VPS13B: variants seen among roughly 807,000 people sequenced by gnomAD.
VPS13B encodes the protein vacuolar protein sorting 13 homolog B, also known as intermembrane lipid transfer protein VPS13B.
VPS13B carries 285 observed loss-of-function variants against 426.4 expected under a neutral mutation model. The observed-to-expected ratio is 0.67, with a 90% CI of 0.61 to 0.74. The LOEUF is 0.74. Among genes scored for constraint, VPS13B ranks in the 30% least tolerant of loss-of-function variants. The pLI, the probability that VPS13B is intolerant of heterozygous loss-of-function variation, is 0.00. For missense variants in VPS13B, 4,537 were observed against 4,782.6 expected, an observed-to-expected ratio of 0.95 and a Z score of 1.51; for synonymous variants, 1,676 against 1,676.4, an observed-to-expected ratio of 1.00 and a Z score of 0.01.
chr8:99,321,086 T>G (rs1052956138), intron 19 of VPS13B, among the ~76,000 whole-genome samples: 2 of 152,226 alleles, frequency 1.3e-5, no homozygotes, highest in African/African-American at 4.8e-5. Context: ...AAAGTCAGAT[T>G]CTGGAACATT....
intron 30 of VPS13B, among the ~76,000 whole-genome samples, chr8:99,524,061 T>C (rs1340988942): frequency 1.3e-5 from 2 of 152,030 alleles, no homozygotes; most frequent in African/African-American, 4.8e-5. Context: ...TTTAAAAGAA[T>C]CAAGTAGAAA....
In VPS13B at chr8:99,085,105, T is replaced by A. The variant is rs189489339; in HGVS notation, c.292-11207T>A. ...GGGAGTCTAAGTCTCTTTGTAGGTC[T>A]CTAAGGACTTGCTTTATGAATCTGG... On this transcript the variant is annotated intron_variant, in intron 3 of 61. Coordinates refer to ENST00000357162, the MANE Select transcript of VPS13B (RefSeq NM_152564.5). Among the ~76,000 whole-genome samples the A allele has an allele frequency of 3.1e-4, 47 of 152,268 alleles. No individual in the cohort carries two copies. The East Asian group carries it at 8.7e-3, about 28-fold the overall frequency.
At chr8:99,818,264 G>A (rs763165470) in intron 45 of VPS13B, among the ~76,000 whole-genome samples, 187 bp from the exon 46 acceptor site, 1 of 151,992 alleles carries the variant, frequency 6.6e-6, no homozygotes, top group Non-Finnish European at 1.5e-5. Context: ...AGTTGGCCCC[G>A]CTGACTCACT....
At chr8:99,705,969 G>T (rs1447121563) in intron 36 of VPS13B, among the ~76,000 whole-genome samples, 1 of 152,044 alleles carries the variant, frequency 6.6e-6, no homozygotes, top group Non-Finnish European at 1.5e-5. Context: ...CCAGCCTTTC[G>T]TAGAGGGAGA....
intron 16 of VPS13B, among the ~76,000 whole-genome samples, chr8:99,173,559 T>C (rs1417586041): frequency 1.3e-5 from 2 of 152,224 alleles, no homozygotes; most frequent in African/African-American, 4.8e-5. Flanking sequence ...TAGATCTTCC[T>C]TCCAAAACTG....
At chr8:99,271,568 T>C (rs547112888) in intron 17 of VPS13B, among the ~76,000 whole-genome samples, 1 of 152,304 alleles carries the variant, frequency 6.6e-6, no homozygotes, top group South Asian at 2.1e-4. Context: ...CGAGTATTAG[T>C]CCGTTCGCAT....
chr8:99,178,274 A>T (rs142194646), intron 16 of VPS13B, among the ~76,000 whole-genome samples: 1 of 151,956 alleles, frequency 6.6e-6, no homozygotes, highest in African/African-American at 2.4e-5. Context: ...GTCATCTAGC[A>T]TTAGGTATAT....
intron 34 of VPS13B, among the ~76,000 whole-genome samples, chr8:99,654,574 T>A (rs1829951684): frequency 1.3e-5 from 2 of 152,190 alleles, no homozygotes; most frequent in African/African-American, 4.8e-5. Flanking sequence ...GCCTTTTACA[T>A]GTCCAGTGGT....
intron 39 of VPS13B, among the ~76,000 whole-genome samples, chr8:99,737,309 A>T (rs1833881432): frequency 6.6e-6 from 1 of 150,726 alleles, no homozygotes; most frequent in Non-Finnish European, 1.5e-5. Context: ...TTCAGTAGAG[A>T]CGGGGTTTCA....
chr8:99,865,962 C>T (rs1817077092), intron 58 of VPS13B, among the ~76,000 whole-genome samples: 1 of 152,228 alleles, frequency 6.6e-6, no homozygotes, highest in Non-Finnish European at 1.5e-5. Context: ...TCCTGCTCCA[C>T]AATGAAGGCT....
rs1308209423 is a variant in VPS13B at position 99,871,691 on chromosome 8, T to C, written c.11739T>C (p.Asp3913=). The C allele has an allele frequency of 2.5e-6, 4 of 1,613,564 alleles. No individual in the cohort carries two copies. The highest frequency in any genetic ancestry group is 1.8e-4 in the Middle Eastern group (1 of 5,670). The change falls in exon 61 of 62, where the codon GAT becomes GAC. Residue 3913 remains aspartate (D), a synonymous_variant. Transcript: ENST00000357162. ...TCAAGCAGCCAAGAGTGGCCTGTGA[T>C]GTGGAGGTACGTTTCAGAAAACAGG... The part of the protein sequence containing the change: ...VQLKQPRVAC[D]VEVDGVRERL...
Position 99,467,453 on chromosome 8 carries a change from G to A in VPS13B, c.3485G>A (p.Ser1162Asn). Residue 1162 changes from serine to asparagine, a missense_variant, in exon 24 of 62, where the codon AGC becomes AAC. This residue lies in a region of VPS13B where 4,311 missense variants were observed against 4,474.3 expected (regional missense o/e 0.96). Transcript: ENST00000357162. ...TGGACGATCAGCTTGCATAATTTCA[G>A]CATATATACCCTTCTTGGAAAACAA... ...FPWTISLHNF[S>N]IYTLLGKQVT... 6.2e-7 allele frequency: 1 copy of A among 1,613,666 alleles called. No individual in the cohort carries two copies. The highest frequency in any genetic ancestry group is 8.5e-7 in the Non-Finnish European group (1 of 1,179,764).
chr8:99,496,989 A>T (rs1349797690), intron 25 of VPS13B, among the ~76,000 whole-genome samples: 1 of 150,264 alleles, frequency 6.7e-6, no homozygotes. Context: ...TAATCACAGC[A>T]GTAGTATAGG....
intron 55 of VPS13B, among the ~76,000 whole-genome samples, chr8:99,849,647 G>A (rs78443165): frequency 1.1e-3 from 163 of 152,208 alleles, no homozygotes; most frequent in African/African-American, 3.7e-3. Context: ...CAGAGTTAAG[G>A]AAATGGAGAA....
At chr8:99,746,830 A>T (rs1374774073) in intron 39 of VPS13B, among the ~76,000 whole-genome samples, 1 of 152,126 alleles carries the variant, frequency 6.6e-6, no homozygotes, top group East Asian at 1.9e-4. Flanking sequence ...AAGCAATGCT[A>T]ATGTTATACA....
intron 3 of VPS13B, among the ~76,000 whole-genome samples, chr8:99,086,549 T>C (rs1845818420): frequency 6.6e-6 from 1 of 152,366 alleles, no homozygotes; most frequent in African/African-American, 2.4e-5. Context: ...TTTTTAGAGT[T>C]TCCAGTTTTT....
intron 17 of VPS13B, 92 bp from the exon 18 acceptor site, chr8:99,274,102 CAGTT>C (rs1393919494): frequency 4.2e-5 from 63 of 1,493,648 alleles, no homozygotes; most frequent in Admixed American, 2.4e-4. Flanking sequence ...CTGAGGTAGA[CAGTT>C]AGAGTATAAT....
chr8:99,241,966 A>G (rs998860215), intron 17 of VPS13B, among the ~76,000 whole-genome samples: 3 of 151,982 alleles, frequency 2.0e-5, no homozygotes, highest in Non-Finnish European at 4.4e-5. Context: ...ATTTTTTTCC[A>G]TATATAATTG....
At chr8:99,168,653 A>G (rs1488704804) in intron 15 of VPS13B, among the ~76,000 whole-genome samples, 1 of 152,030 alleles carries the variant, frequency 6.6e-6, no homozygotes, top group Non-Finnish European at 1.5e-5. Context: ...ATTGCTCAGA[A>G]CAGGTCTTCA....
Sources: gnomAD v4.1 joint callset for allele counts (sites outside exome capture counted in the v4.1 genomes callset) on GRCh38, gnomAD v4.1.1 for gene constraint, gnomAD v4.1.1 regional missense constraint, MANE v1.5 for transcripts, NCBI Gene and HGNC (gene_info 2026-07-23, HGNC 2026-07-21) for gene names.